Variants in TRHDE observed in about 807,000 individuals in gnomAD.
TRHDE encodes thyrotropin releasing hormone degrading enzyme.
In TRHDE, 72 loss-of-function variants were observed where a neutral mutation model predicts 125.7. That is an observed-to-expected ratio of 0.57 (90% CI 0.47 to 0.70). The LOEUF is 0.70. TRHDE is among the 30% of genes least tolerant of loss of function. The probability of loss-of-function intolerance (pLI) is 0.00; values close to 1 mark genes in which losing one functional copy is unlikely to be tolerated. For synonymous variants in TRHDE, 509 were observed against 509.1 expected (o/e 1.00, Z 0.00); for missense variants, 1,110 against 1,327.1 (o/e 0.84, Z 2.54).
intron 2 of TRHDE, among the ~76,000 whole-genome samples, chr12:72,238,879 T>G (rs1476928289): frequency 6.6e-6 from 1 of 152,212 alleles, no homozygotes; most frequent in Admixed American, 6.5e-5. Flanking sequence ...TACAGGAGAA[T>G]GATTTATAAT....
chr12:72,336,623 C>T (rs1001749642), intron 2 of TRHDE, among the ~76,000 whole-genome samples: 1 of 152,146 alleles, frequency 6.6e-6, no homozygotes, highest in African/African-American at 2.4e-5. Flanking sequence ...GTATTTGGCT[C>T]ATGATTCCGG....
At chr12:72,501,063 A>G (rs1878134946) in intron 6 of TRHDE, among the ~76,000 whole-genome samples, 2 of 151,834 alleles carry the variant, frequency 1.3e-5, no homozygotes, top group African/African-American at 4.8e-5. Context: ...ATTTCTATCA[A>G]TGATGTAGTT....
chr12:72,636,358 C>T (rs1294712857), intron 15 of TRHDE, among the ~76,000 whole-genome samples: 1 of 151,154 alleles, frequency 6.6e-6, no homozygotes, highest in East Asian at 1.9e-4. Flanking sequence ...GATTTTGTAT[C>T]CTGAGACTTT....
intron 12 of TRHDE, among the ~76,000 whole-genome samples, chr12:72,598,344 A>G (rs923162074): frequency 4.4e-4 from 67 of 152,308 alleles, no homozygotes; most frequent in African/African-American, 1.3e-3. Context: ...GTTTTGCCAC[A>G]TATCTTCTTT....
chr12:72,569,538 C>A (rs74105909), intron 10 of TRHDE, among the ~76,000 whole-genome samples: 1 of 152,072 alleles, frequency 6.6e-6, no homozygotes, highest in African/African-American at 2.4e-5. Context: ...TTCTCCTCAG[C>A]CTTGCTATTA....
At chr12:72,444,909 T>C (rs1253341287) in intron 3 of TRHDE, among the ~76,000 whole-genome samples, 1 of 151,748 alleles carries the variant, frequency 6.6e-6, no homozygotes, top group Non-Finnish European at 1.5e-5. Flanking sequence ...TGTAGCAGAG[T>C]AGTAAGCAGT....
intron 3 of TRHDE, among the ~76,000 whole-genome samples, chr12:72,417,645 T>A (rs532298852): frequency 8.5e-5 from 13 of 152,130 alleles, no homozygotes; most frequent in Middle Eastern, 3.4e-3. Flanking sequence ...TGTGACAGAT[T>A]TTTCCCCCAA....
At chr12:72,242,437 G>A (rs868678000) in intron 2 of TRHDE, among the ~76,000 whole-genome samples, 4 of 152,132 alleles carry the variant, frequency 2.6e-5, no homozygotes, top group African/African-American at 4.8e-5. Flanking sequence ...TGGGACCACC[G>A]CTCCTCTGCT....
intron 12 of TRHDE, chr12:72,582,724 G>A (rs1024943191): frequency 4.6e-6 from 3 of 656,216 alleles, no homozygotes; most frequent in Non-Finnish European, 5.7e-6. Flanking sequence ...TACTTTGGCA[G>A]ACTGGACTTT....
chr12:72,597,754 T>TATGC, intron 12 of TRHDE, among the ~76,000 whole-genome samples: 1 of 9,304 alleles, frequency 1.1e-4, no homozygotes, highest in South Asian at 5.2e-3. Context: ...TATATATATA[T>TATGC]ATATGCATAC....
intron 10 of TRHDE, among the ~76,000 whole-genome samples, chr12:72,573,423 C>G (rs1870839538): frequency 6.6e-6 from 1 of 151,696 alleles, no homozygotes; most frequent in Non-Finnish European, 1.5e-5. Context: ...GAAAAAATAT[C>G]TGATGATTTA....
At chr12:72,575,789 A>G (rs1459246743) in intron 12 of TRHDE, among the ~76,000 whole-genome samples, 1 of 152,152 alleles carries the variant, frequency 6.6e-6, no homozygotes, top group African/African-American at 2.4e-5. Flanking sequence ...AACACTGAAG[A>G]TTAATAGTCT....
chr12:72,348,510 G>C (rs1870435146), intron 2 of TRHDE, among the ~76,000 whole-genome samples: 1 of 151,828 alleles, frequency 6.6e-6, no homozygotes, highest in South Asian at 2.1e-4. Context: ...ATTTTAAAAA[G>C]ATTATTCTAG....
chr12:72,142,451 CACTTGGGGTAACTTGGGGTG>C (rs1348385194), intron 2 of TRHDE, among the ~76,000 whole-genome samples: 2 of 152,138 alleles, frequency 1.3e-5, no homozygotes, highest in Non-Finnish European at 2.9e-5. Flanking sequence ...TGCATGGATA[CACTTGGGGTAACTTGGGGTG>C]ACTTGGGGTA....
At chr12:72,166,008 G>A (rs1592466391) in intron 2 of TRHDE, among the ~76,000 whole-genome samples, 1 of 152,002 alleles carries the variant, frequency 6.6e-6, no homozygotes, top group East Asian at 1.9e-4. Flanking sequence ...TTGTTGCTGA[G>A]TGAACATCAT....
intron 6 of TRHDE, among the ~76,000 whole-genome samples, chr12:72,542,013 G>A (rs1336275470): frequency 6.6e-6 from 1 of 151,244 alleles, no homozygotes; most frequent in Non-Finnish European, 1.5e-5. Context: ...ATAAAATATT[G>A]AGTACTCCTG....
intron 5 of TRHDE, among the ~76,000 whole-genome samples, chr12:72,479,324 G>A (rs1010512263): frequency 6.6e-6 from 1 of 152,044 alleles, no homozygotes; most frequent in Non-Finnish European, 1.5e-5. Context: ...AGTTGCTTGG[G>A]AAATAGAAGC....
At chr12:72,406,774 A>C (rs2135808921) in intron 3 of TRHDE, among the ~76,000 whole-genome samples, 1 of 152,306 alleles carries the variant, frequency 6.6e-6, no homozygotes, top group South Asian at 2.1e-4. Flanking sequence ...AAAAATAGTA[A>C]ATAGTTGGTG....
At chr12:72,265,670 T>C (rs1453296405) in intron 2 of TRHDE, among the ~76,000 whole-genome samples, 1 of 151,902 alleles carries the variant, frequency 6.6e-6, no homozygotes, top group Non-Finnish European at 1.5e-5. Flanking sequence ...AAGTAGGAAT[T>C]CAGTGAGGTT....
Sources: gnomAD v4.1 joint callset for allele counts (sites outside exome capture counted in the v4.1 genomes callset) on GRCh38, gnomAD v4.1.1 for gene constraint, MANE v1.5 for transcripts, NCBI Gene and HGNC (gene_info 2026-07-23, HGNC 2026-07-21) for gene names.